Variants in POU3F3 observed in about 807,000 individuals in gnomAD.
POU3F3 encodes the protein POU class 3 homeobox 3.
In POU3F3, 1 loss-of-function variant was observed where a neutral mutation model predicts 8.6. That is an observed-to-expected ratio of 0.12 (90% confidence interval 0.04 to 0.55). The LOEUF (loss-of-function observed/expected upper bound fraction) is 0.55, where lower values mean the gene tolerates loss of function less well. Among genes scored for constraint, POU3F3 ranks in the 20% least tolerant of loss-of-function variants. POU3F3 has a pLI of 0.91. For synonymous variants in POU3F3, 418 were observed against 327.4 expected, an observed-to-expected ratio of 1.28 and a Z score of -2.99; for missense variants, 577 against 690.7, an observed-to-expected ratio of 0.84 and a Z score of 1.84.
the POU3F3 span, among the ~76,000 whole-genome samples, chr2:104,879,853 A>G: frequency 6.6e-6 from 1 of 152,198 alleles, no homozygotes; most frequent in Non-Finnish European, 1.5e-5. Flanking sequence ...GCATCTCTTC[A>G]CCACGTGGTT....
At chr2:104,864,577 C>T in the POU3F3 span, among the ~76,000 whole-genome samples, 39 of 152,236 alleles carry the variant, frequency 2.6e-4, no homozygotes, top group East Asian at 3.5e-3. Context: ...AACAGGGAGC[C>T]ATTTATTTAC....
chr2:104,856,055 G>C lies in POU3F3; in HGVS notation c.545G>C (p.Gly182Ala), dbSNP rs1573320261. ...CCCCCGCCGCCGCCCCCACACCAGG[G>C]CCACCCTGGGGGCTGGGGGGCGGCC... ...LGPPPPPPHQ[G>A]HPGGWGAAAA... Residue 182 changes from glycine to alanine, a missense_variant, in exon 1 of 1, where the codon GGC becomes GCC. Around this residue, in one of 7 missense-constraint regions of POU3F3, gnomAD observed 484 missense variants for 422.6 expected, o/e 1.15. Transcript: ENST00000361360. The C allele has an allele frequency of 2.0e-6, 2 of 981,802 alleles. No individual in the cohort carries two copies. The highest frequency in any genetic ancestry group is 3.7e-5 in the African/African-American group (2 of 54,588). The allele number at this position is 981,802 out of a possible 1,614,324, so 60.8% of individuals were successfully genotyped here.
the POU3F3 span, among the ~76,000 whole-genome samples, chr2:104,882,719 G>A: frequency 7.2e-5 from 11 of 152,094 alleles, no homozygotes; most frequent in African/African-American, 1.2e-4. Flanking sequence ...TATCATCTTC[G>A]TATCTGACAC....
the POU3F3 span, among the ~76,000 whole-genome samples, chr2:104,884,681 A>G: frequency 1.1e-4 from 17 of 152,332 alleles, no homozygotes; most frequent in East Asian, 3.1e-3. Flanking sequence ...TAAACTTACA[A>G]GGACTCTTCT....
At chr2:104,924,715 T>A in the POU3F3 span, among the ~76,000 whole-genome samples, 1 of 152,218 alleles carries the variant, frequency 6.6e-6, no homozygotes, top group African/African-American at 2.4e-5. Flanking sequence ...ATTCATCCTC[T>A]CTTTTTCTGA....
chr2:104,919,383 G>T, the POU3F3 span, among the ~76,000 whole-genome samples: 1 of 152,154 alleles, frequency 6.6e-6, no homozygotes, highest in Admixed American at 6.5e-5. Context: ...TGTCCTTCTT[G>T]GCAGCTGTCC....
the POU3F3 span, among the ~76,000 whole-genome samples, chr2:104,906,136 C>T: frequency 2.1e-4 from 32 of 152,194 alleles, no homozygotes; most frequent in Non-Finnish European, 4.3e-4. Context: ...GTCTTCCTCA[C>T]TTTAAGATTA....
downstream of POU3F3, among the ~76,000 whole-genome samples, chr2:104,859,952 T>C (rs1676635691): frequency 6.6e-6 from 1 of 152,124 alleles, no homozygotes; most frequent in African/African-American, 2.4e-5. Flanking sequence ...GAAGTCCTCA[T>C]TGGAAAGCTG....
the POU3F3 span, among the ~76,000 whole-genome samples, chr2:104,893,438 G>A: frequency 2.6e-5 from 4 of 152,242 alleles, no homozygotes; most frequent in Non-Finnish European, 5.9e-5. Context: ...GGCCGCACAA[G>A]GGAAAGGAAG....
At chr2:104,892,824 A>G in the POU3F3 span, among the ~76,000 whole-genome samples, 1 of 151,818 alleles carries the variant, frequency 6.6e-6, no homozygotes, top group Non-Finnish European at 1.5e-5. Context: ...CAGCCTCCCA[A>G]AGTGCTGGGA....
At chr2:104,897,043 A>AGCTT in the POU3F3 span, among the ~76,000 whole-genome samples, 2 of 152,158 alleles carry the variant, frequency 1.3e-5, no homozygotes, top group Non-Finnish European at 2.9e-5. Flanking sequence ...TCTCCTTGAA[A>AGCTT]GCTTACGGTT....
chr2:104,865,131 T>G, the POU3F3 span, among the ~76,000 whole-genome samples: 1 of 152,246 alleles, frequency 6.6e-6, no homozygotes, highest in East Asian at 1.9e-4. Flanking sequence ...GATGACTTCC[T>G]AGTCACCGGT....
chr2:104,912,118 C>T, the POU3F3 span, among the ~76,000 whole-genome samples: 2 of 152,254 alleles, frequency 1.3e-5, no homozygotes, highest in Non-Finnish European at 2.9e-5. Context: ...TCATGGGAGC[C>T]ATCCCCTCCA....
At chr2:104,916,377 A>C in the POU3F3 span, among the ~76,000 whole-genome samples, 4 of 152,124 alleles carry the variant, frequency 2.6e-5, no homozygotes, top group Non-Finnish European at 5.9e-5. Flanking sequence ...TGCTTAACAG[A>C]TTATTATCTC....
the POU3F3 span, among the ~76,000 whole-genome samples, chr2:104,894,202 AC>A: frequency 6.6e-6 from 1 of 152,160 alleles, no homozygotes; most frequent in Admixed American, 6.5e-5. Context: ...CATGAGTTGT[AC>A]CCGGTGCACA....
At chr2:104,911,462 G>A in the POU3F3 span, among the ~76,000 whole-genome samples, 1 of 147,170 alleles carries the variant, frequency 6.8e-6, no homozygotes, top group Non-Finnish European at 1.5e-5. Flanking sequence ...ACAGTCATAA[G>A]ACATTGCAAG....
chr2:104,891,116 C>T, the POU3F3 span, among the ~76,000 whole-genome samples: 5 of 152,140 alleles, frequency 3.3e-5, no homozygotes, highest in Non-Finnish European at 7.4e-5. Context: ...TGAATGAGAT[C>T]ATTTAGCAAG....
downstream of POU3F3, among the ~76,000 whole-genome samples, chr2:104,862,696 A>G (rs566399362): frequency 2.8e-4 from 43 of 152,336 alleles, no homozygotes; most frequent in African/African-American, 1.0e-3. Flanking sequence ...ATTCAGCAAA[A>G]CGCACGAACC....
At chr2:104,895,210 G>A in the POU3F3 span, among the ~76,000 whole-genome samples, 11 of 152,002 alleles carry the variant, frequency 7.2e-5, no homozygotes, top group South Asian at 2.1e-4. Flanking sequence ...TACAGGGCCC[G>A]ACAATTTCAA....
Sources: gnomAD v4.1 joint callset for allele counts (sites outside exome capture counted in the v4.1 genomes callset) on GRCh38, gnomAD v4.1.1 for gene constraint, gnomAD v4.1.1 regional missense constraint, MANE v1.5 for transcripts, NCBI Gene and HGNC (gene_info 2026-07-23, HGNC 2026-07-21) for gene names.